Variants in DPP10 observed in about 807,000 individuals in gnomAD.
The protein encoded by DPP10 is dipeptidyl peptidase like 10.
A neutral mutation model predicts 120.9 loss-of-function variants in DPP10; 33 were observed. That is an observed-to-expected ratio of 0.27 (90% CI 0.21 to 0.37). The LOEUF is 0.37. DPP10 is among the 10% of genes least tolerant of loss of function. DPP10 has a pLI of 1.00. For missense variants in DPP10, 816 were observed against 942.8 expected (o/e 0.87, Z 1.76); for synonymous variants, 337 against 326.1 (o/e 1.03, Z -0.36).
intron 1 of DPP10, among the ~76,000 whole-genome samples, chr2:115,009,177 C>A (rs1162200015): frequency 2.1e-5 from 3 of 145,182 alleles, no homozygotes; most frequent in African/African-American, 7.7e-5. Flanking sequence ...TTGGAACCAA[C>A]CCAAATGTCC....
At chr2:115,231,461 T>G (rs1046483895) in intron 1 of DPP10, among the ~76,000 whole-genome samples, 9 of 152,168 alleles carry the variant, frequency 5.9e-5, no homozygotes, top group Admixed American at 1.3e-4. Context: ...TTAAGGTCTT[T>G]TTCATACAAG....
chr2:114,911,284 C>T (rs114506325), intron 1 of DPP10, among the ~76,000 whole-genome samples: 2,021 of 152,146 alleles, frequency 0.013, 34 homozygotes, highest in African/African-American at 0.045. Flanking sequence ...AGAAATTATG[C>T]AATCTGCTTT....
At chr2:115,581,646 T>G (rs2082009016) in intron 5 of DPP10, among the ~76,000 whole-genome samples, 1 of 152,272 alleles carries the variant, frequency 6.6e-6, no homozygotes, top group Admixed American at 6.5e-5. Flanking sequence ...ATTCCTGTAT[T>G]ACTTCATTAA....
intron 1 of DPP10, among the ~76,000 whole-genome samples, chr2:114,638,294 T>C (rs1695449255): frequency 6.6e-6 from 1 of 151,832 alleles, no homozygotes; most frequent in South Asian, 2.1e-4. Flanking sequence ...ATTATTCGTC[T>C]AAAGAAATGC....
At chr2:114,814,365 A>G (rs1488256689) in intron 1 of DPP10, among the ~76,000 whole-genome samples, 2 of 151,100 alleles carry the variant, frequency 1.3e-5, no homozygotes, top group African/African-American at 4.9e-5. Context: ...TTCTGTTAAC[A>G]TCTCATCTCT....
chr2:114,490,577 G>A (rs1034931309), intron 1 of DPP10, among the ~76,000 whole-genome samples: 2 of 152,168 alleles, frequency 1.3e-5, no homozygotes, highest in African/African-American at 4.8e-5. Flanking sequence ...GGAGGCAGCC[G>A]AGAAAGACTT....
At chr2:114,571,772 T>C (rs1303077370) in intron 1 of DPP10, among the ~76,000 whole-genome samples, 1 of 150,934 alleles carries the variant, frequency 6.6e-6, no homozygotes, top group Non-Finnish European at 1.5e-5. Flanking sequence ...CAAGCAGAGG[T>C]TATTAATTAA....
At chr2:115,515,476 A>G (rs1242568036) in intron 4 of DPP10, among the ~76,000 whole-genome samples, 1 of 152,008 alleles carries the variant, frequency 6.6e-6, no homozygotes, top group Non-Finnish European at 1.5e-5. Context: ...ATCTTTTTAT[A>G]TGTGCATTGG....
intron 1 of DPP10, among the ~76,000 whole-genome samples, chr2:114,664,499 C>A (rs1304895678): frequency 6.6e-6 from 1 of 151,610 alleles, no homozygotes; most frequent in Non-Finnish European, 1.5e-5. Context: ...TGTGGTGGTG[C>A]GCACCTGTTA....
chr2:114,841,903 C>A (rs918518306), intron 1 of DPP10, among the ~76,000 whole-genome samples: 12 of 152,022 alleles, frequency 7.9e-5, no homozygotes, highest in African/African-American at 2.9e-4. Context: ...TTAAAAGGAC[C>A]ATGGCTTCAT....
intron 3 of DPP10, among the ~76,000 whole-genome samples, chr2:115,411,263 C>T (rs1035386278): frequency 4.0e-5 from 6 of 151,838 alleles, no homozygotes; most frequent in South Asian, 2.1e-4. Flanking sequence ...ACCGGGCAGG[C>T]GGAGGTTGCA....
chr2:115,279,489 A>G (rs1291123709), intron 1 of DPP10, among the ~76,000 whole-genome samples: 1 of 152,038 alleles, frequency 6.6e-6, no homozygotes, highest in Non-Finnish European at 1.5e-5. Flanking sequence ...TCCAGAATGC[A>G]GTTCAGTTGA....
At chr2:115,749,071 G>C (rs1285469889) in intron 10 of DPP10, among the ~76,000 whole-genome samples, 1 of 152,148 alleles carries the variant, frequency 6.6e-6, no homozygotes, top group Non-Finnish European at 1.5e-5. Context: ...AATATCCCCA[G>C]AACTAGTGGG....
At chr2:114,897,061 C>G (rs1693072209) in intron 1 of DPP10, among the ~76,000 whole-genome samples, 1 of 152,112 alleles carries the variant, frequency 6.6e-6, no homozygotes, top group Non-Finnish European at 1.5e-5. Context: ...TATATTGAAC[C>G]AGCCTTGCAT....
intron 1 of DPP10, among the ~76,000 whole-genome samples, chr2:114,559,982 C>A (rs1688638462): frequency 6.6e-6 from 1 of 151,416 alleles, no homozygotes; most frequent in South Asian, 2.1e-4. Context: ...CTGATACACA[C>A]TCCTGGAGCT....
At chr2:115,267,954 T>C (rs2059530904) in intron 1 of DPP10, among the ~76,000 whole-genome samples, 1 of 152,192 alleles carries the variant, frequency 6.6e-6, no homozygotes, top group African/African-American at 2.4e-5. Context: ...ATCTTACTCA[T>C]TGACACAGAG....
In DPP10 at chr2:115,148,880, T is replaced by G. The variant is rs192820616; in HGVS notation, c.61-160359T>G. 2.8e-3 allele frequency among the ~76,000 whole-genome samples: 430 copies of G among 152,292 alleles called. 4 individuals are homozygous for G. The highest frequency in any genetic ancestry group is 4.5e-3 in the Non-Finnish European group (306 of 68,028). ...CCCTCTTGACTTTCATATTAATCTT[T>G]TTTTGCATTTTTATTGTTTACCATT... On this transcript the variant is annotated intron_variant, in intron 1 of 25. Transcript: ENST00000410059.
rs545413126 is a variant in DPP10, at chr2:114,500,372, G to A, written c.60+57534G>A. On this transcript the variant is annotated intron_variant, in intron 1 of 25. Coordinates refer to ENST00000410059, the MANE Select transcript of DPP10 (RefSeq NM_020868.6). ...CACATGATGAAATAAGATGACAAGA[G>A]CTTTGTGGTATCAAAATATCTATGT... Among the ~76,000 whole-genome samples, 3 of 152,284 alleles carry A rather than the reference G, an allele frequency of 2.0e-5. No individual in the cohort carries two copies. In the South Asian group the frequency reaches 6.2e-4, roughly 32 times the overall value.
chr2:115,178,663 C>T (rs1366432347), intron 1 of DPP10, among the ~76,000 whole-genome samples: 1 of 152,166 alleles, frequency 6.6e-6, no homozygotes, highest in East Asian at 1.9e-4. Context: ...CCCTTAACCT[C>T]TCTGAACCTC....
Sources: allele counts gnomAD v4.1 joint callset (sites outside exome capture counted in the v4.1 genomes callset), GRCh38; gene constraint gnomAD v4.1.1; transcripts MANE v1.5; gene names NCBI Gene and HGNC (gene_info 2026-07-23, HGNC 2026-07-21).